The following SORCS2 variants were observed in gnomAD, a reference collection of about 807,000 sequenced individuals.
The protein encoded by SORCS2 is sortilin related VPS10 domain containing receptor 2, also known as VPS10 domain-containing receptor SorCS2.
SORCS2 carries 100 observed loss-of-function variants against 141.6 expected under a neutral mutation model. The ratio of observed to expected loss-of-function variants is 0.71; its 90% CI spans 0.60 to 0.83. The LOEUF (loss-of-function observed/expected upper bound fraction) is 0.83. SORCS2 is among the 40% of genes least tolerant of loss of function. The pLI is 0.00. For missense variants in SORCS2, 1,646 were observed against 1,560.2 expected, an observed-to-expected ratio of 1.05 and a Z score of -0.93; for synonymous variants, 789 against 676.9, an observed-to-expected ratio of 1.17 and a Z score of -2.57.
Position 7,689,489 on chromosome 4 carries a change from G to T in SORCS2, c.1492G>T (p.Asp498Tyr), listed in dbSNP as rs1270691016. The T allele has an allele frequency of 2.5e-6, 4 of 1,595,384 alleles. No homozygotes were observed. In the South Asian group the frequency reaches 4.6e-5, roughly 18 times the overall value. Reference protein sequence around the residue: ...NGKPTNCKPPDCHLHLHLRWA... With the variant: ...NGKPTNCKPPYCHLHLHLRWA... The stretch of plus-strand genomic sequence containing the variant: ...GCGTCCTTTCTCTTCCTTGCAGCCA[G>T]ACTGCCACCTGCACCTGCACCTGCG... Residue 498 changes from aspartate (D) to tyrosine (Y), a missense_variant, in exon 11 of 27, where the codon GAC becomes TAC. Transcript: ENST00000507866.
At chr4:7,737,928 C>G (rs760580044) in intron 26 of SORCS2, among the ~76,000 whole-genome samples, 4 of 152,204 alleles carry the variant, frequency 2.6e-5, no homozygotes, top group Admixed American at 2.6e-4. Context: ...GGACCATCGA[C>G]CGGGACACCT....
chr4:7,535,872 G>C (rs1278769832), intron 3 of SORCS2, among the ~76,000 whole-genome samples: 1 of 152,246 alleles, frequency 6.6e-6, no homozygotes, highest in Non-Finnish European at 1.5e-5. Flanking sequence ...CTCAGGCCCG[G>C]GTCAGGCTGC....
At chr4:7,695,517 T>G (rs1577083664) in intron 11 of SORCS2, among the ~76,000 whole-genome samples, 1 of 38,176 alleles carries the variant, frequency 2.6e-5, no homozygotes, top group Non-Finnish European at 4.8e-5. Context: ...GATGGGTGGG[T>G]GGGTGAGTGG....
At chr4:7,674,583 A>T (rs1398362868) in intron 8 of SORCS2, among the ~76,000 whole-genome samples, 4 of 86,242 alleles carry the variant, frequency 4.6e-5, no homozygotes, top group East Asian at 4.8e-4. Flanking sequence ...CAAAATAAAA[A>T]AAAAAAAAAA....
intron 3 of SORCS2, among the ~76,000 whole-genome samples, chr4:7,637,667 GGT>G (rs202160967): frequency 0.021 from 3,240 of 152,296 alleles, 107 homozygotes; most frequent in African/African-American, 0.075. Flanking sequence ...CCCCCTCCCT[GGT>G]GTGTGGGGGG....
rs559996449 is a variant in SORCS2 at position 7,392,059 on chromosome 4, A to C, written c.481-4229A>C. On this transcript the variant is annotated intron_variant, in intron 1 of 26. Transcript: ENST00000507866. ...TCGTTCAGACATTCTCAAGAATTTC[A>C]AGACAGCAACAGCAGAGCATGAAAC... Among the ~76,000 whole-genome samples the C allele has an allele frequency of 3.9e-5, 6 of 152,364 alleles. No homozygotes were observed. In the South Asian group the frequency reaches 1.2e-3, roughly 32 times the overall value.
chr4:7,653,993 G>A (rs1353257890), intron 4 of SORCS2, 141 bp from the exon 5 acceptor site: 1 of 776,496 alleles, frequency 1.3e-6, no homozygotes, highest in Admixed American at 2.4e-5. Context: ...ATCCCAGCAT[G>A]AGCACAGCGC....
At chr4:7,652,596 A>G (rs1721515741) in intron 4 of SORCS2, among the ~76,000 whole-genome samples, 1 of 151,510 alleles carries the variant, frequency 6.6e-6, no homozygotes. Flanking sequence ...AGATCCAAGA[A>G]CCCTCTCACC....
Position 7,546,996 on chromosome 4 carries a change from C to G in SORCS2, c.648+15367C>G, listed in dbSNP as rs114936588. On this transcript the variant is annotated intron_variant, in intron 3 of 26. Coordinates refer to ENST00000507866, the MANE Select transcript of SORCS2 (RefSeq NM_020777.3). ...AGGTCCAGGGAGGCCCTGGTTAGGA[C>G]AAGTGTAGTTCCAGATGCTGCTGCC... 6.8e-3 allele frequency among the ~76,000 whole-genome samples: 1,039 copies of G among 152,332 alleles called. 3 individuals are homozygous for G. Among genetic ancestry groups the G allele is most frequent in the Non-Finnish European group, 0.011 (752 of 68,030 alleles).
intron 17 of SORCS2, among the ~76,000 whole-genome samples, chr4:7,715,885 C>A (rs1726155608): frequency 1.3e-5 from 2 of 152,228 alleles, no homozygotes; most frequent in Admixed American, 1.3e-4. Flanking sequence ...CAGCACAAAT[C>A]CCAGTTATTG....
At chr4:7,214,413 C>T (rs1728211426) in intron 1 of SORCS2, among the ~76,000 whole-genome samples, 1 of 152,214 alleles carries the variant, frequency 6.6e-6, no homozygotes, top group Admixed American at 6.5e-5. Flanking sequence ...ATCATCCTCA[C>T]CAGATGCCAG....
intron 1 of SORCS2, among the ~76,000 whole-genome samples, chr4:7,309,170 C>T (rs538981741): frequency 7.8e-4 from 119 of 152,158 alleles, no homozygotes; most frequent in Non-Finnish European, 1.4e-3. Context: ...ACTTCTGTGG[C>T]ACCTCCCGTG....
At chr4:7,690,248 C>T (rs1026308809) in intron 11 of SORCS2, among the ~76,000 whole-genome samples, 9 of 133,348 alleles carry the variant, frequency 6.7e-5, no homozygotes, top group Non-Finnish European at 1.2e-4. Context: ...TGGATAGATG[C>T]TGAATTGATA....
intron 1 of SORCS2, among the ~76,000 whole-genome samples, chr4:7,361,330 C>G (rs935519256): frequency 2.0e-5 from 3 of 152,170 alleles, no homozygotes; most frequent in Non-Finnish European, 4.4e-5. Context: ...ATTAATGTCA[C>G]CCCTTGACAA....
At chr4:7,237,345 G>A (rs1002642253) in intron 1 of SORCS2, among the ~76,000 whole-genome samples, 2 of 152,218 alleles carry the variant, frequency 1.3e-5, no homozygotes, top group Non-Finnish European at 2.9e-5. Context: ...TGGCCTTCTG[G>A]TCTGTGTCCG....
intron 1 of SORCS2, among the ~76,000 whole-genome samples, chr4:7,241,331 CT>C (rs773600762): frequency 2.6e-5 from 4 of 152,170 alleles, no homozygotes; most frequent in Non-Finnish European, 4.4e-5. Context: ...TCACTGCCCT[CT>C]GTGTCCCTGG....
intron 1 of SORCS2, among the ~76,000 whole-genome samples, chr4:7,322,207 C>A (rs1454473029): frequency 6.6e-6 from 1 of 152,212 alleles, no homozygotes; most frequent in East Asian, 1.9e-4. Context: ...CCTGGAGACC[C>A]AGTGCTTGTC....
At chr4:7,549,952 G>T (rs940909001) in intron 3 of SORCS2, among the ~76,000 whole-genome samples, 3 of 152,188 alleles carry the variant, frequency 2.0e-5, no homozygotes, top group Non-Finnish European at 4.4e-5. Flanking sequence ...AGAGGGAGAT[G>T]AGTTCTCATA....
intron 11 of SORCS2, among the ~76,000 whole-genome samples, chr4:7,694,021 A>G (rs1286115542): frequency 6.6e-6 from 1 of 151,842 alleles, no homozygotes; most frequent in African/African-American, 2.4e-5. Context: ...TGTCTTGGTG[A>G]TCGCCGGTGC....
Sources: allele counts gnomAD v4.1 joint callset (sites outside exome capture counted in the v4.1 genomes callset), GRCh38; gene constraint gnomAD v4.1.1; transcripts MANE v1.5; gene names NCBI Gene and HGNC (gene_info 2026-07-23, HGNC 2026-07-21).